Variants in SH3PXD2A observed in about 807,000 individuals in gnomAD.
The protein encoded by SH3PXD2A is SH3 and PX domains 2A.
In SH3PXD2A, 32 loss-of-function variants were observed where a neutral mutation model predicts 115.2. The observed-to-expected ratio is 0.28, with a 90% CI of 0.21 to 0.37. The LOEUF is 0.37. Among genes scored for constraint, SH3PXD2A ranks in the 10% least tolerant of loss-of-function variants. The pLI is 1.00. For missense variants in SH3PXD2A, 1,328 were observed against 1,498.7 expected (o/e 0.89, Z 1.88); for synonymous variants, 610 against 629.1 (o/e 0.97, Z 0.45).
At chr10:103,701,586 CCATCCATCATG>C in intron 5 of SH3PXD2A, among the ~76,000 whole-genome samples, 1 of 149,748 alleles carries the variant, frequency 6.7e-6, no homozygotes, top group South Asian at 2.2e-4. Context: ...CATCCATCAT[CCATCCATCATG>C]CATCCATCAT....
chr10:103,843,918 G>A (rs938805958), intron 1 of SH3PXD2A, among the ~76,000 whole-genome samples: 1 of 152,140 alleles, frequency 6.6e-6, no homozygotes, highest in Non-Finnish European at 1.5e-5. Context: ...GATTAAATGA[G>A]ACAAGTGCCT....
At chr10:103,795,583 T>G (rs2039077635) in intron 2 of SH3PXD2A, among the ~76,000 whole-genome samples, 1 of 152,242 alleles carries the variant, frequency 6.6e-6, no homozygotes, top group Non-Finnish European at 1.5e-5. Flanking sequence ...CTCACTGATG[T>G]GTCAGATAAA....
intron 5 of SH3PXD2A, among the ~76,000 whole-genome samples, chr10:103,723,538 A>G (rs1233061805): frequency 3.9e-5 from 6 of 152,094 alleles, no homozygotes; most frequent in African/African-American, 1.2e-4. Context: ...CAGCATCCCA[A>G]TTTCAGAGAG....
chr10:103,637,383 A>G (rs1359019206), intron 8 of SH3PXD2A, among the ~76,000 whole-genome samples: 1 of 152,184 alleles, frequency 6.6e-6, no homozygotes, highest in Non-Finnish European at 1.5e-5. Flanking sequence ...GCTTAACACC[A>G]GGTAATTCAG....
intron 2 of SH3PXD2A, among the ~76,000 whole-genome samples, chr10:103,786,963 C>G (rs1234081238): frequency 2.6e-5 from 4 of 152,214 alleles, no homozygotes; most frequent in Non-Finnish European, 5.9e-5. Context: ...AAGCCCTTGG[C>G]CGCTGGGACT....
At chr10:103,688,270 C>A (rs2037704950) in intron 6 of SH3PXD2A, among the ~76,000 whole-genome samples, 1 of 152,242 alleles carries the variant, frequency 6.6e-6, no homozygotes, top group Admixed American at 6.5e-5. Context: ...AATGACCTTT[C>A]TTTCCTGAGC....
chr10:103,782,359 T>C (rs1003224035), intron 2 of SH3PXD2A, among the ~76,000 whole-genome samples: 14 of 152,202 alleles, frequency 9.2e-5, no homozygotes, highest in Non-Finnish European at 1.6e-4. Flanking sequence ...TTCTCTGCCA[T>C]AAAGATTTCA....
intron 1 of SH3PXD2A, among the ~76,000 whole-genome samples, chr10:103,805,565 C>T (rs951719437): frequency 1.3e-5 from 2 of 152,238 alleles, no homozygotes; most frequent in South Asian, 2.1e-4. Flanking sequence ...CATCCCCCCT[C>T]GGAAAAGTTC....
chr10:103,611,500 G>T, intron 13 of SH3PXD2A, 81 bp downstream of exon 13: 3 of 1,301,452 alleles, frequency 2.3e-6, no homozygotes, highest in South Asian at 2.4e-5. Flanking sequence ...AGGCTCTGCC[G>T]CAAGATAGCC....
At chr10:103,634,265 G>T (rs1343426796) in intron 8 of SH3PXD2A, among the ~76,000 whole-genome samples, 3 of 152,216 alleles carry the variant, frequency 2.0e-5, no homozygotes, top group African/African-American at 7.2e-5. Context: ...GGGATCAGGA[G>T]GCCTTTGGAG....
At chr10:103,734,133 G>A (rs1168474036) in intron 4 of SH3PXD2A, among the ~76,000 whole-genome samples, 1 of 152,116 alleles carries the variant, frequency 6.6e-6, no homozygotes, top group Non-Finnish European at 1.5e-5. Context: ...CTTGCCCAAG[G>A]TCACGTAGCT....
At chr10:103,615,483 G>GGGGTGTGTGT (rs1237824774) in intron 11 of SH3PXD2A, among the ~76,000 whole-genome samples, 40 of 128,596 alleles carry the variant, frequency 3.1e-4, no homozygotes, top group South Asian at 1.8e-3. Context: ...AGAGTGCGAG[G>GGGGTGTGTGT]GTGTGTGTGT....
At chr10:103,723,252 T>C (rs914632848) in intron 5 of SH3PXD2A, among the ~76,000 whole-genome samples, 1 of 152,190 alleles carries the variant, frequency 6.6e-6, no homozygotes, top group African/African-American at 2.4e-5. Flanking sequence ...ACCCATCCGG[T>C]ACTTTAAGCT....
chr10:103,666,873 G>C lies in SH3PXD2A; in HGVS notation c.472+1735C>G, dbSNP rs554915535. On this transcript the variant is annotated intron_variant, in intron 7 of 14. Transcript: ENST00000369774. The surrounding 1 kb of genome is among the most constrained non-coding windows in gnomAD (Gnocchi z 4.5). ...AGGCAGCTCGGTGCCAGGGCTGCAG[G>C]TGCCAGGAGAAGGGTGGGGAAGGGA... is the stretch of plus-strand genomic sequence containing the variant. 1.5e-3 allele frequency among the ~76,000 whole-genome samples: 232 copies of C among 152,338 alleles called. No individual in the cohort carries two copies. Among genetic ancestry groups the C allele is most frequent in the Admixed American group, 2.4e-3 (37 of 15,300 alleles).
chr10:103,622,902 G>A (rs1340049974), intron 9 of SH3PXD2A, among the ~76,000 whole-genome samples: 1 of 152,186 alleles, frequency 6.6e-6, no homozygotes, highest in Non-Finnish European at 1.5e-5. Flanking sequence ...CAGGGATGGT[G>A]AGATCAGTGT....
At chr10:103,674,492 G>A (rs536630676) in intron 6 of SH3PXD2A, among the ~76,000 whole-genome samples, 4 of 152,284 alleles carry the variant, frequency 2.6e-5, no homozygotes, top group South Asian at 2.1e-4. Context: ...GGAAAAACAC[G>A]GATGGCCAAT....
chr10:103,786,194 G>C (rs1160139355), intron 2 of SH3PXD2A, among the ~76,000 whole-genome samples: 11 of 152,242 alleles, frequency 7.2e-5, no homozygotes, highest in African/African-American at 2.6e-4. Context: ...TCTCCTCTTC[G>C]AGGTGTGGGG....
rs376655869 is a variant in SH3PXD2A, at chr10:103,761,877, T to C, written c.229+5217A>G. On this transcript the variant is annotated intron_variant, in intron 3 of 14. Transcript: ENST00000369774. The stretch of plus-strand genomic sequence containing the variant: ...ATAGGAAGAATCGCGGCTCTGCTGC[T>C]GTATGGCTAAGTGATGGTGGACAGT... 4.9e-4 allele frequency among the ~76,000 whole-genome samples: 74 copies of C among 152,268 alleles called. 1 individual carries two copies. The South Asian group carries it at 0.015, about 31-fold the overall frequency.
Position 103,603,182 on chromosome 10 carries a change from G to T in SH3PXD2A, c.2036C>A (p.Ala679Glu). The T allele has an allele frequency of 1.2e-6, 2 of 1,614,064 alleles. No homozygotes were observed. Among genetic ancestry groups the T allele is most frequent in the Non-Finnish European group, 1.7e-6 (2 of 1,180,040 alleles). The part of the protein sequence containing the change: ...LKLKAEKNAQ[A>E]EMGKNHSSAS... ...TGAGGAGTGGTTCTTCCCCATTTCT[G>T]CCTGGGCATTCTTCTCTGCCTTGAG... Residue 679 changes from alanine (A) to glutamate (E), a missense_variant, in exon 15 of 15, where the codon GCA becomes GAA. Transcript: ENST00000369774.
Sources: allele counts gnomAD v4.1 joint callset (sites outside exome capture counted in the v4.1 genomes callset), GRCh38; gene constraint gnomAD v4.1.1; non-coding constraint Gnocchi (gnomAD v3.1); transcripts MANE v1.5; gene names NCBI Gene and HGNC (gene_info 2026-07-23, HGNC 2026-07-21).